Variants in CNGA1 observed in about 807,000 individuals in gnomAD.
CNGA1 encodes the protein cyclic nucleotide-gated channel alpha-1.
A neutral mutation model predicts 69.7 loss-of-function variants in CNGA1; 53 were observed. The ratio of observed to expected loss-of-function variants is 0.76; its 90% CI spans 0.61 to 0.96. CNGA1 has a LOEUF of 0.96. Among genes scored for constraint, CNGA1 ranks in the 40% least tolerant of loss-of-function variants. The pLI, the probability that CNGA1 is intolerant of heterozygous loss-of-function variation, is 0.00. For missense variants in CNGA1, 739 were observed against 811.2 expected, an observed-to-expected ratio of 0.91 and a Z score of 1.08; for synonymous variants, 249 against 283.5, an observed-to-expected ratio of 0.88 and a Z score of 1.22.
chr4:47,969,716 C>T (rs1233463280), intron 3 of CNGA1, among the ~76,000 whole-genome samples: 4 of 152,160 alleles, frequency 2.6e-5, no homozygotes, highest in Admixed American at 6.5e-5. Flanking sequence ...GTGATCTCCC[C>T]GCTTTGGCCT....
In CNGA1 at chr4:47,943,038, T is replaced by C. The variant is rs535918691; in HGVS notation, c.437+143A>G. 11 of 633,490 alleles carry C rather than the reference T, an allele frequency of 1.7e-5. No homozygotes were observed. The South Asian group carries it at 2.2e-4, about 12-fold the overall frequency. 39.2% of individuals were successfully genotyped at this position (633,490 alleles called of 1,614,324 possible). ...TCTGATAATTTATGTTAAATGTTTA[T>C]TTTTCAATATTTAAAGACATTTAGT... is the stretch of plus-strand genomic sequence containing the variant. On this transcript the variant is annotated intron_variant, in intron 8 of 10. Transcript: ENST00000514170.
In CNGA1 at chr4:47,937,662, A is replaced by G. The variant is rs774860626; in HGVS notation, c.820T>C (p.Phe274Leu). ...PEIRLNRLLR[F>L]SRMFEFFQRT... ...TGGAAGAACTCAAACATACGAGAGA[A>G]CCGTAACAACCTGTTTAATCTAATT... is the stretch of plus-strand genomic sequence containing the variant. Residue 274 changes from phenylalanine (F) to leucine (L), a missense_variant, in exon 11 of 11, where the codon TTC (phenylalanine) becomes CTC (leucine). Transcript: ENST00000514170. 1 of 1,614,138 alleles carries G rather than the reference A, an allele frequency of 6.2e-7. No individual in the cohort carries two copies. The highest frequency in any genetic ancestry group is 1.3e-5 in the African/African-American group (1 of 75,064).
chr4:47,937,711 A>G lies in CNGA1; in HGVS notation c.771T>C (p.Phe257=). Residue 257 remains phenylalanine, a synonymous_variant, in exon 11 of 11, where the codon TTT becomes TTC. Coordinates refer to ENST00000514170, the MANE Select transcript of CNGA1 (RefSeq NM_001379270.1). ...LSLIPTDLLY[F]KLGWNYPEIR... is the part of the protein sequence containing the mutation. ...TTTCTGGATAGTTCCACCCTAACTT[A>G]AAATACAGCAAATCAGTTGGTATCA... The G allele has an allele frequency of 1.2e-6, 2 of 1,614,118 alleles. No individual in the cohort carries two copies. Among genetic ancestry groups the G allele is most frequent in the Non-Finnish European group, 1.7e-6 (2 of 1,179,986 alleles).
At chr4:47,953,247 T>C (rs934076418) in intron 3 of CNGA1, among the ~76,000 whole-genome samples, 4 of 152,248 alleles carry the variant, frequency 2.6e-5, no homozygotes, top group African/African-American at 7.2e-5. Flanking sequence ...CTAATTTCCA[T>C]TGACCAGTTT....
chr4:47,943,200 T>G lies in CNGA1; in HGVS notation c.418A>C (p.Ser140Arg). 1 of 1,607,192 alleles carries G rather than the reference T, an allele frequency of 6.2e-7. No individual in the cohort carries two copies. The highest frequency in any genetic ancestry group is 2.2e-5 in the East Asian group (1 of 44,740). The change falls in exon 8 of 11, where the codon AGC (serine) becomes CGC (arginine). Residue 140 changes from serine (S) to arginine (R), a missense_variant. By Grantham distance (110) the Ser-to-Arg change is moderately radical. Transcript: ENST00000514170. ...GCTTACTCTTCTTTCTTATCTTTGC[T>G]TTTCTCCTCTTTCTTTTTCTTCTCT... ...DKEKKKKEEK[S>R]KDKKEEEKKE...
chr4:47,946,983 C>T (rs973138436), intron 6 of CNGA1, among the ~76,000 whole-genome samples: 8 of 152,078 alleles, frequency 5.3e-5, no homozygotes, highest in Non-Finnish European at 1.2e-4. Context: ...GAGGTTTCAC[C>T]ATGTAGGTTG....
At chr4:48,013,473 C>T (rs865948792) in intron 1 of CNGA1, among the ~76,000 whole-genome samples, 21 of 152,186 alleles carry the variant, frequency 1.4e-4, no homozygotes, top group African/African-American at 3.6e-4. Context: ...TCTGGAAAGA[C>T]GGGACAACTC....
In CNGA1 at chr4:47,963,674, T is replaced by C. The variant is rs1740579820; in HGVS notation, c.-14-10971A>G. 2.0e-5 allele frequency among the ~76,000 whole-genome samples: 3 copies of C among 152,216 alleles called. No individual in the cohort carries two copies. The South Asian group carries it at 6.2e-4, about 32-fold the overall frequency. ...TAAACATAATCCTCACGGTAGCATA[T>C]ACTTTTGAGTTACAATGAACTGTCA... On this transcript the variant is annotated intron_variant, in intron 3 of 10. Transcript: ENST00000514170.
chr4:47,938,914 AAAAG>A (rs557346459), intron 10 of CNGA1, among the ~76,000 whole-genome samples: 34 of 151,716 alleles, frequency 2.2e-4, no homozygotes, highest in Admixed American at 7.2e-4. Context: ...TTGAAAGAAA[AAAAG>A]AAAGAAAGAA....
At position 47,943,207 on chromosome 4, in the gene CNGA1, C is replaced by T. The variant is rs1331027597; in HGVS notation, c.411G>A (p.Glu137=). 1.9e-6 allele frequency: 3 copies of T among 1,607,630 alleles called. No individual in the cohort carries two copies. Among genetic ancestry groups the T allele is most frequent in the Middle Eastern group, 2.2e-4 (1 of 4,516 alleles). ...CTTCTTTCTTATCTTTGCTTTTCTC[C>T]TCTTTCTTTTTCTTCTCTTTGTCCT... ...KKKDKEKKKK[E]EKSKDKKEEE... Residue 137 remains glutamate, a synonymous_variant, in exon 8 of 11, where the codon GAG becomes GAA. Transcript: ENST00000514170.
intron 3 of CNGA1, among the ~76,000 whole-genome samples, chr4:47,957,541 GC>G (rs1225340377): frequency 6.6e-6 from 1 of 152,118 alleles, no homozygotes; most frequent in Non-Finnish European, 1.5e-5. Flanking sequence ...GATCACTTGA[GC>G]TTTGGAGGTT....
chr4:47,936,650 T>G lies in CNGA1; in HGVS notation c.1832A>C (p.Asn611Thr). 3.1e-6 allele frequency: 5 copies of G among 1,614,136 alleles called. No individual in the cohort carries two copies. The highest frequency in any genetic ancestry group is 4.2e-6 in the Non-Finnish European group (5 of 1,179,998). ...KDGLLDLNIA[N>T]AGSDPKDLEE... ...AAGATCTTTAGGATCACTGCCAGCATTTGCAATGTTTAGATCCAGTAGACC... is the reference window on the plus strand; with the variant it reads ...AAGATCTTTAGGATCACTGCCAGCAGTTGCAATGTTTAGATCCAGTAGACC... The change falls in exon 11 of 11, where the codon AAT becomes ACT. Residue 611 changes from asparagine to threonine, a missense_variant. By Grantham distance (65) the Asn-to-Thr change is moderately conservative (BLOSUM62 0). Coordinates refer to ENST00000514170, the MANE Select transcript of CNGA1 (RefSeq NM_001379270.1).
rs5858098 is a variant in CNGA1 at position 47,980,472 on chromosome 4, C to CT, written c.-15+920dup. Among the ~76,000 whole-genome samples the CT allele has an allele frequency of 3.5e-3, 395 of 112,360 alleles. 2 individuals carry two copies. Among genetic ancestry groups the CT allele is most frequent in the East Asian group, 0.022 (86 of 3,900 alleles). 73.7% of individuals were successfully genotyped at this position (112,360 alleles called of 152,430 possible). A position where few individuals can be genotyped will look rare whatever the true frequency, so the allele number is the denominator to read the frequency against. On this transcript the variant is annotated intron_variant, in intron 3 of 10. Transcript: ENST00000514170. ...AACAGTTTTTTATTTTTCTTTCTTT[C>CT]TTTTTTTTTTTTTTTTTTTTGATAC...
intron 6 of CNGA1, among the ~76,000 whole-genome samples, chr4:47,947,194 G>A (rs890323135): frequency 9.2e-5 from 14 of 152,136 alleles, no homozygotes; most frequent in East Asian, 3.9e-4. Context: ...GTGGTCATAT[G>A]TGGGGTTCTT....
At chr4:47,964,169 A>G (rs1178156403) in intron 3 of CNGA1, among the ~76,000 whole-genome samples, 1 of 152,158 alleles carries the variant, frequency 6.6e-6, no homozygotes, top group Non-Finnish European at 1.5e-5. Context: ...ATTTCCCCAC[A>G]TGCCAACTCC....
intron 2 of CNGA1, among the ~76,000 whole-genome samples, chr4:48,004,667 G>C (rs1297416197): frequency 1.3e-5 from 2 of 152,070 alleles, no homozygotes; most frequent in African/African-American, 4.8e-5. Flanking sequence ...AGAAAAACAA[G>C]AACAAACAAA....
At chr4:47,974,109 TA>T (rs757296599) in intron 3 of CNGA1, among the ~76,000 whole-genome samples, 3 of 133,040 alleles carry the variant, frequency 2.3e-5, no homozygotes, top group African/African-American at 7.8e-5. Flanking sequence ...GATAGATAGA[TA>T]GATAGATAGA....
intron 3 of CNGA1, among the ~76,000 whole-genome samples, chr4:47,973,480 A>G (rs1354316348): frequency 6.6e-6 from 1 of 152,204 alleles, no homozygotes; most frequent in Non-Finnish European, 1.5e-5. Flanking sequence ...TTCAACACGT[A>G]GAAGGCTTCC....
chr4:47,995,283 T>C (rs1240354200), intron 2 of CNGA1, among the ~76,000 whole-genome samples: 1 of 152,130 alleles, frequency 6.6e-6, no homozygotes, highest in Non-Finnish European at 1.5e-5. Flanking sequence ...TCCAAACTTT[T>C]AGAATTCTTA....
Sources: gnomAD v4.1 joint callset for allele counts (sites outside exome capture counted in the v4.1 genomes callset) on GRCh38, gnomAD v4.1.1 for gene constraint, MANE v1.5 for transcripts, NCBI Gene and HGNC (gene_info 2026-07-23, HGNC 2026-07-21) for gene names.